NREP: variants seen among roughly 807,000 people sequenced by gnomAD.
NREP encodes the protein neuronal regeneration-related protein.
Under a neutral mutation model 8.6 loss-of-function variants are expected in NREP, and 5 were observed. The observed-to-expected ratio is 0.58, with a 90% CI of 0.30 to 1.22. NREP has a LOEUF of 1.22. Among genes scored for constraint, NREP ranks in the 50% most tolerant of loss-of-function variants. The pLI, the probability that NREP is intolerant of heterozygous loss-of-function variation, is 0.07. For synonymous variants in NREP, 27 were observed against 28.0 expected, an observed-to-expected ratio of 0.96 and a Z score of 0.11; for missense variants, 86 against 82.5, an observed-to-expected ratio of 1.04 and a Z score of -0.17.
chr5:111,790,182 A>G (rs1043698677), intron 2 of NREP, among the ~76,000 whole-genome samples: 3 of 152,112 alleles, frequency 2.0e-5, no homozygotes, highest in African/African-American at 7.2e-5. Flanking sequence ...TTGTAAAGAT[A>G]TACACATATC....
intron 2 of NREP, among the ~76,000 whole-genome samples, chr5:111,772,351 C>T (rs1022775671): frequency 6.6e-6 from 1 of 152,050 alleles, no homozygotes; most frequent in African/African-American, 2.4e-5. Flanking sequence ...TTTTGAAATA[C>T]AATTCATTTG....
chr5:111,883,274 T>G (rs1754138603), intron 2 of NREP, among the ~76,000 whole-genome samples: 2 of 152,198 alleles, frequency 1.3e-5, no homozygotes, highest in Admixed American at 1.3e-4. Context: ...AAGAGCTAAC[T>G]ATCCTAAATA....
At chr5:111,773,795 T>C (rs1751292008) in intron 2 of NREP, among the ~76,000 whole-genome samples, 1 of 152,190 alleles carries the variant, frequency 6.6e-6, no homozygotes, top group Non-Finnish European at 1.5e-5. Flanking sequence ...TGAAAAACAC[T>C]GTCAAGTCCA....
intron 2 of NREP, among the ~76,000 whole-genome samples, chr5:111,835,763 TAGA>T (rs1271541466): frequency 2.0e-5 from 3 of 151,918 alleles, no homozygotes; most frequent in East Asian, 3.9e-4. Flanking sequence ...ATATGCTGAG[TAGA>T]AGAAGACAGA....
At chr5:111,747,787 T>C (rs1750100583) in intron 2 of NREP, among the ~76,000 whole-genome samples, 1 of 152,078 alleles carries the variant, frequency 6.6e-6, no homozygotes, top group Non-Finnish European at 1.5e-5. Flanking sequence ...TTTTGCTCCA[T>C]GAAAATAAGG....
chr5:111,946,385 T>C (rs537485945), intron 2 of NREP, among the ~76,000 whole-genome samples: 33 of 152,092 alleles, frequency 2.2e-4, no homozygotes, highest in Non-Finnish European at 3.7e-4. Context: ...TGTTAATCTA[T>C]ACATGTATGA....
At chr5:111,927,444 G>A (rs1429844271) in intron 2 of NREP, among the ~76,000 whole-genome samples, 1 of 152,184 alleles carries the variant, frequency 6.6e-6, no homozygotes, top group South Asian at 2.1e-4. Flanking sequence ...TCTGAGATAA[G>A]CGCTCTGTGG....
chr5:111,924,088 A>G (rs1755318674), intron 2 of NREP, among the ~76,000 whole-genome samples: 1 of 152,154 alleles, frequency 6.6e-6, no homozygotes, highest in South Asian at 2.1e-4. Context: ...AATGGGCTTA[A>G]TTCTTTCTTC....
chr5:111,939,570 A>T (rs972858296), intron 2 of NREP, among the ~76,000 whole-genome samples: 1 of 152,070 alleles, frequency 6.6e-6, no homozygotes, highest in African/African-American at 2.4e-5. Flanking sequence ...GGCAAAAAAA[A>T]ATTCGAGTTG....
At chr5:111,793,829 C>A (rs1751811748) in intron 2 of NREP, among the ~76,000 whole-genome samples, 1 of 152,082 alleles carries the variant, frequency 6.6e-6, no homozygotes, top group South Asian at 2.1e-4. Flanking sequence ...GAGGCCAAGG[C>A]AGGAAGATAC....
chr5:111,859,466 C>A (rs1199655540), intron 2 of NREP, among the ~76,000 whole-genome samples: 2 of 152,042 alleles, frequency 1.3e-5, no homozygotes, highest in Non-Finnish European at 2.9e-5. Context: ...TGTGCCAGGG[C>A]AGCTCTGTCC....
chr5:111,840,530 T>C (rs1338568930), intron 2 of NREP, among the ~76,000 whole-genome samples: 3 of 152,112 alleles, frequency 2.0e-5, no homozygotes, highest in African/African-American at 7.2e-5. Flanking sequence ...TTCTGTTACC[T>C]GCAGTCCAGT....
Position 111,831,975 on chromosome 5 carries a change from G to A in NREP, c.136-96468C>T, listed in dbSNP as rs144678876. Among the ~76,000 whole-genome samples the A allele has an allele frequency of 1.5e-3, 233 of 152,244 alleles. 1 individual carries two copies. The highest frequency in any genetic ancestry group is 5.4e-3 in the African/African-American group (225 of 41,532). ...GAGTGGCCCACGTAGGCCAAGTGTA[G>A]GACAAAGGGTCTCTATGAGTGTTAT... On this transcript the variant is annotated intron_variant, in intron 2 of 3. Coordinates refer to the NREP transcript ENST00000395634.
intron 2 of NREP, among the ~76,000 whole-genome samples, chr5:111,888,886 A>G (rs1187986871): frequency 1.3e-5 from 2 of 152,184 alleles, no homozygotes; most frequent in Admixed American, 1.3e-4. Flanking sequence ...AAAATGAGCA[A>G]ATATGTAACT....
At chr5:111,866,442 A>G (rs539372732) in intron 2 of NREP, among the ~76,000 whole-genome samples, 14 of 152,316 alleles carry the variant, frequency 9.2e-5, no homozygotes, top group African/African-American at 3.1e-4. Flanking sequence ...TAAAATCACA[A>G]TGAGATACCA....
chr5:111,844,913 AT>A (rs1002636316), intron 2 of NREP, among the ~76,000 whole-genome samples: 4 of 151,538 alleles, frequency 2.6e-5, no homozygotes, highest in Admixed American at 1.3e-4. Flanking sequence ...ATATTTATCT[AT>A]TATTATGTAT....
At chr5:111,889,886 G>A (rs1754353308) in intron 2 of NREP, among the ~76,000 whole-genome samples, 1 of 151,886 alleles carries the variant, frequency 6.6e-6, no homozygotes, top group African/African-American at 2.4e-5. Flanking sequence ...GGCAGGGGTG[G>A]GGGTTACAAG....
intron 2 of NREP, among the ~76,000 whole-genome samples, chr5:111,812,285 T>TCAAACAAA (rs139562751): frequency 1.5e-4 from 23 of 151,718 alleles, no homozygotes; most frequent in South Asian, 1.0e-3. Flanking sequence ...AGACCCTGTC[T>TCAAACAAA]CAAACAAACA....
Position 111,818,046 on chromosome 5 carries a change from T to A in NREP, c.136-82539A>T, listed in dbSNP as rs145646907. ...AATTCCACAAGTTTCAATTAATTAT[T>A]ATGGTATACCCAGAATTCTCAACTG... On this transcript the variant is annotated intron_variant, in intron 2 of 3. Coordinates refer to the NREP transcript ENST00000395634. 3.9e-5 allele frequency among the ~76,000 whole-genome samples: 6 copies of A among 152,246 alleles called. No individual in the cohort carries two copies. The East Asian group carries it at 1.2e-3, about 29-fold the overall frequency.
Sources: gnomAD v4.1 joint callset for allele counts (sites outside exome capture counted in the v4.1 genomes callset) on GRCh38, gnomAD v4.1.1 for gene constraint, MANE v1.5 for transcripts, NCBI Gene and HGNC (gene_info 2026-07-23, HGNC 2026-07-21) for gene names.